The following KCNJ6 variants were observed in gnomAD, a reference collection of about 807,000 sequenced individuals.
KCNJ6 encodes G protein-activated inward rectifier potassium channel 2.
Under a neutral mutation model 34.2 loss-of-function variants are expected in KCNJ6, and 9 were observed. The observed-to-expected ratio is 0.26, with a 90% CI of 0.16 to 0.46. The LOEUF (loss-of-function observed/expected upper bound fraction) is 0.46. KCNJ6 is among the 20% of genes least tolerant of loss of function. The pLI, the probability that KCNJ6 is intolerant of heterozygous loss-of-function variation, is 1.00. For synonymous variants in KCNJ6, 196 were observed against 207.1 expected (o/e 0.95, Z 0.46); for missense variants, 236 against 531.3 (o/e 0.44, Z 5.46).
At position 37,623,342 on chromosome 21, in the gene KCNJ6, G is replaced by C. The variant is rs553423700; in HGVS notation, c.*1817C>G. 4 of 152,180 alleles carry C rather than the reference G, an allele frequency of 2.6e-5. No homozygotes were observed. Among genetic ancestry groups the C allele is most frequent in the Non-Finnish European group, 5.9e-5 (4 of 68,064 alleles). The allele number at this position is 152,180 out of a possible 1,614,324, so 9.4% of individuals were successfully genotyped here. ...CAGGGAAGGCAAGGGAAACAAAGAGGGACAGCTAGTTTGATCTCTTTGACC... is the reference window on the plus strand; with the variant it reads ...CAGGGAAGGCAAGGGAAACAAAGAGCGACAGCTAGTTTGATCTCTTTGACC... On this transcript the variant is annotated 3_prime_UTR_variant, in exon 4 of 4. Coordinates refer to ENST00000609713, the MANE Select transcript of KCNJ6 (RefSeq NM_002240.5).
At chr21:37,721,331 G>A (rs1334135330) in intron 2 of KCNJ6, among the ~76,000 whole-genome samples, 1 of 152,202 alleles carries the variant, frequency 6.6e-6, no homozygotes, top group Non-Finnish European at 1.5e-5. Flanking sequence ...TGGTGGGAGT[G>A]TAAAACAGTG....
At chr21:37,715,377 C>T (rs1164227789) in intron 2 of KCNJ6, among the ~76,000 whole-genome samples, 1 of 152,226 alleles carries the variant, frequency 6.6e-6, no homozygotes, top group Non-Finnish European at 1.5e-5. Context: ...GAGCTTATTG[C>T]TGCAAAATTG....
chr21:37,646,681 T>C (rs1382607184), intron 3 of KCNJ6, among the ~76,000 whole-genome samples: 1 of 38,852 alleles, frequency 2.6e-5, no homozygotes, highest in East Asian at 7.1e-4. Flanking sequence ...TATTTTTATT[T>C]TTTTTTTTGA....
At chr21:37,743,075 C>G (rs2054949145) in intron 2 of KCNJ6, among the ~76,000 whole-genome samples, 1 of 152,204 alleles carries the variant, frequency 6.6e-6, no homozygotes, top group African/African-American at 2.4e-5. Context: ...TGTTTAGTTT[C>G]TGTCCTCACC....
Position 37,625,041 on chromosome 21 carries a change from TA to T in KCNJ6, c.*117del. ...CTTGAAGATTTGTTTTCTGGTCATG[TA>T]AAAATTAAATATAAACAAATAAAGA... is the stretch of plus-strand genomic sequence containing the variant. On this transcript the variant is annotated 3_prime_UTR_variant, in exon 4 of 4. Transcript: ENST00000609713. The T allele has an allele frequency of 1.3e-6, 1 of 799,756 alleles. No individual in the cohort carries two copies. The highest frequency in any genetic ancestry group is 2.0e-6 in the Non-Finnish European group (1 of 496,166). 49.5% of individuals were successfully genotyped at this position (799,756 alleles called of 1,614,324 possible). A position where few individuals can be genotyped will look rare whatever the true frequency, so the allele number is the denominator to read the frequency against.
chr21:37,721,713 T>C lies in KCNJ6; in HGVS notation c.26-6582A>G, dbSNP rs533603875. 2.9e-4 allele frequency among the ~76,000 whole-genome samples: 44 copies of C among 152,326 alleles called. 1 individual carries two copies. Among genetic ancestry groups the C allele is most frequent in the African/African-American group, 7.5e-4 (31 of 41,566 alleles). On this transcript the variant is annotated intron_variant, in intron 2 of 3. Coordinates refer to ENST00000609713, the MANE Select transcript of KCNJ6 (RefSeq NM_002240.5). ...GGAAATTCTGATACAGGCTACAACA[T>C]GGCCTCATTGGAAATAGATTTCCGC...
At chr21:37,805,099 T>C (rs1238949782) in intron 2 of KCNJ6, among the ~76,000 whole-genome samples, 1 of 152,058 alleles carries the variant, frequency 6.6e-6, no homozygotes, top group Non-Finnish European at 1.5e-5. Context: ...AGATAAGGGA[T>C]TGCCAGGAAA....
In KCNJ6 at chr21:37,608,916, T is replaced by G. The variant is rs545092937; in HGVS notation, c.*16243A>C. On this transcript the variant is annotated 3_prime_UTR_variant, in exon 4 of 4. Coordinates refer to ENST00000609713, the MANE Select transcript of KCNJ6 (RefSeq NM_002240.5). ...TAAAATATGGGGCATCAGCTAACTT[T>G]CAGAATATTTTGAGTGGAGTTTTGT... 6.6e-6 allele frequency: 1 copy of G among 152,334 alleles called. No individual in the cohort carries two copies. Among genetic ancestry groups the G allele is most frequent in the Non-Finnish European group, 1.5e-5 (1 of 68,026 alleles). 9.4% of individuals were successfully genotyped at this position (152,334 alleles called of 1,614,324 possible). A position where few individuals can be genotyped will look rare whatever the true frequency, so the allele number is the denominator to read the frequency against.
At chr21:37,702,603 T>C (rs1007546395) in intron 3 of KCNJ6, among the ~76,000 whole-genome samples, 2 of 152,182 alleles carry the variant, frequency 1.3e-5, no homozygotes, top group Admixed American at 6.5e-5. Context: ...TTTAAATCTT[T>C]GAGTGCAGAG....
rs565117829 is a variant in KCNJ6 at position 37,620,404 on chromosome 21, T to C, written c.*4755A>G. 6.6e-6 allele frequency: 1 copy of C among 152,368 alleles called. No individual in the cohort carries two copies. Among genetic ancestry groups the C allele is most frequent in the East Asian group, 1.9e-4 (1 of 5,194 alleles). 9.4% of individuals were successfully genotyped at this position (152,368 alleles called of 1,614,324 possible). ...CTGTGTTCCAATAAAACTTTGTTTG[T>C]GGACATTGAAATTTGAATTTAGGAT... On this transcript the variant is annotated 3_prime_UTR_variant, in exon 4 of 4. Coordinates refer to ENST00000609713, the MANE Select transcript of KCNJ6 (RefSeq NM_002240.5).
At chr21:37,737,344 T>C (rs1335042184) in intron 2 of KCNJ6, among the ~76,000 whole-genome samples, 1 of 152,242 alleles carries the variant, frequency 6.6e-6, no homozygotes, top group Non-Finnish European at 1.5e-5. Flanking sequence ...CATCAGACAG[T>C]GGAAATATTT....
chr21:37,713,549 A>G (rs2054774164), intron 3 of KCNJ6, among the ~76,000 whole-genome samples: 1 of 152,212 alleles, frequency 6.6e-6, no homozygotes, highest in African/African-American at 2.4e-5. Context: ...TTTCCTGAAC[A>G]GATCATCTTC....
At chr21:37,707,731 G>GTGTGTGTGTGTGTGTGTA (rs1556022152) in intron 3 of KCNJ6, among the ~76,000 whole-genome samples, 1 of 150,940 alleles carries the variant, frequency 6.6e-6, no homozygotes, top group East Asian at 1.9e-4. Context: ...GCATGTGTGT[G>GTGTGTGTGTGTGTGTGTA]TGTGAATAAT....
intron 3 of KCNJ6, among the ~76,000 whole-genome samples, chr21:37,630,162 T>G (rs112939681): frequency 4.7e-5 from 3 of 64,484 alleles, no homozygotes; most frequent in East Asian, 5.9e-4. Flanking sequence ...GTGTGTGGTG[T>G]TTATGTTCCA....
chr21:37,885,485 G>A (rs1380407097), intron 1 of KCNJ6, among the ~76,000 whole-genome samples: 2 of 152,174 alleles, frequency 1.3e-5, no homozygotes, highest in Non-Finnish European at 2.9e-5. Flanking sequence ...TTTAAGAGAG[G>A]GAGATGATCC....
intron 2 of KCNJ6, among the ~76,000 whole-genome samples, chr21:37,798,198 C>T (rs2055252465): frequency 6.6e-6 from 1 of 152,168 alleles, no homozygotes; most frequent in Non-Finnish European, 1.5e-5. Context: ...GGCCTTGGAA[C>T]ACGTGGTTGG....
At chr21:37,864,262 C>A (rs964400506) in intron 1 of KCNJ6, among the ~76,000 whole-genome samples, 51 of 152,142 alleles carry the variant, frequency 3.4e-4, no homozygotes, top group Non-Finnish European at 5.0e-4. Flanking sequence ...CAAGTGTGCA[C>A]CACCATGCCT....
chr21:37,611,073 C>G lies in KCNJ6; in HGVS notation c.*14086G>C, dbSNP rs1396818914. 1 of 151,906 alleles carries G rather than the reference C, an allele frequency of 6.6e-6. No individual in the cohort carries two copies. Among genetic ancestry groups the G allele is most frequent in the East Asian group, 1.9e-4 (1 of 5,188 alleles). The allele number at this position is 151,906 out of a possible 1,614,324, so 9.4% of individuals were successfully genotyped here. A position where few individuals can be genotyped will look rare whatever the true frequency, so the allele number is the denominator to read the frequency against. ...GATTCTTTGAAAAGATCAATAAGCT[C>G]CATAAGTCTCAAGGCATGCTAACTA... On this transcript the variant is annotated 3_prime_UTR_variant, in exon 4 of 4. Transcript: ENST00000609713.
chr21:37,711,807 C>A (rs893241373), intron 3 of KCNJ6, among the ~76,000 whole-genome samples: 3 of 150,640 alleles, frequency 2.0e-5, no homozygotes, highest in Non-Finnish European at 4.4e-5. Flanking sequence ...ACCCCCCCCC[C>A]AAGTCTAGAA....
Sources: gnomAD v4.1 joint callset for allele counts (sites outside exome capture counted in the v4.1 genomes callset) on GRCh38, gnomAD v4.1.1 for gene constraint, MANE v1.5 for transcripts, NCBI Gene and HGNC (gene_info 2026-07-23, HGNC 2026-07-21) for gene names.